Variants in SHANK2 observed in about 807,000 individuals in gnomAD.
SHANK2 encodes the protein SH3 and multiple ankyrin repeat domains protein 2.
SHANK2 carries 43 observed loss-of-function variants against 133.7 expected under a neutral mutation model. That is an observed-to-expected ratio of 0.32 (90% confidence interval 0.25 to 0.41). The LOEUF (loss-of-function observed/expected upper bound fraction) is 0.41, where lower values mean the gene tolerates loss of function less well. SHANK2 is among the 10% of genes least tolerant of loss of function. The pLI is 1.00. For synonymous variants in SHANK2, 1,017 were observed against 952.8 expected (o/e 1.07, Z -1.24); for missense variants, 1,994 against 2,235.8 (o/e 0.89, Z 2.18).
rs567458337 is a variant in SHANK2, at chr11:70,483,065, G to C, written c.4979+2249C>G. Among the ~76,000 whole-genome samples the C allele has an allele frequency of 9.2e-5, 14 of 152,294 alleles. No individual in the cohort carries two copies. The South Asian group carries it at 2.7e-3, about 29-fold the overall frequency. On this transcript the variant is annotated intron_variant, in intron 25 of 25. Coordinates refer to ENST00000601538, the MANE Select transcript of SHANK2 (RefSeq NM_012309.5). ...TTGGTGCAGGATGCCCTGCTGACCT[G>C]AACAGTGGATTCCTTCCTCCAGCCC...
At chr11:70,615,830 C>A (rs1435457420) in intron 17 of SHANK2, among the ~76,000 whole-genome samples, 1 of 152,122 alleles carries the variant, frequency 6.6e-6, no homozygotes, top group African/African-American at 2.4e-5. Flanking sequence ...CCACCTTGGC[C>A]GGTATTGGCT....
chr11:70,895,616 A>G (rs1555075538), intron 11 of SHANK2: 2 of 152,566 alleles, frequency 1.3e-5, no homozygotes, highest in African/African-American at 4.8e-5. Context: ...AGTGAAGCAG[A>G]GGCAACCAGA....
chr11:71,182,830 T>C (rs1555113965), intron 2 of SHANK2, among the ~76,000 whole-genome samples: 1 of 152,166 alleles, frequency 6.6e-6, no homozygotes, highest in Admixed American at 6.5e-5. Flanking sequence ...CTGTCTAGCA[T>C]AAAATATTTC....
intron 17 of SHANK2, among the ~76,000 whole-genome samples, chr11:70,647,961 C>T (rs1201140803): frequency 2.6e-5 from 4 of 152,224 alleles, no homozygotes; most frequent in Non-Finnish European, 5.9e-5. Context: ...GGTACAAAAA[C>T]GTTTATGTCG....
chr11:71,183,933 C>T (rs1953618650), intron 2 of SHANK2, among the ~76,000 whole-genome samples: 1 of 152,152 alleles, frequency 6.6e-6, no homozygotes, highest in Non-Finnish European at 1.5e-5. Flanking sequence ...GTTTCGTGGC[C>T]TCCACATCCA....
chr11:70,592,504 C>A (rs1591622121), intron 17 of SHANK2, among the ~76,000 whole-genome samples: 1 of 152,170 alleles, frequency 6.6e-6, no homozygotes. Flanking sequence ...CACACCCCCT[C>A]CAGCCACGGC....
At position 70,564,177 on chromosome 11, in the gene SHANK2, C is replaced by T. The variant is rs73522186; in HGVS notation, c.2062-61246G>A. On this transcript the variant is annotated intron_variant, in intron 17 of 25. Transcript: ENST00000601538. ...TGTCTTGTGCTTGGAGTCTATTGAG[C>T]TGCTTGGGTGTGTGAGTTCATTGTT... 3.3e-3 allele frequency among the ~76,000 whole-genome samples: 496 copies of T among 152,108 alleles called. 1 individual carries two copies. The highest frequency in any genetic ancestry group is 0.012 in the African/African-American group (483 of 41,486).
At chr11:70,661,202 T>C (rs1273518438) in intron 16 of SHANK2, among the ~76,000 whole-genome samples, 1 of 152,060 alleles carries the variant, frequency 6.6e-6, no homozygotes, top group Non-Finnish European at 1.5e-5. Flanking sequence ...GCCAGGGCAA[T>C]CCTGGGGATT....
At chr11:70,742,676 C>A (rs1555035014) in intron 14 of SHANK2, among the ~76,000 whole-genome samples, 1 of 152,192 alleles carries the variant, frequency 6.6e-6, no homozygotes, top group East Asian at 1.9e-4. Flanking sequence ...CAGCACTAAT[C>A]TGTTTAGGCT....
intron 2 of SHANK2, among the ~76,000 whole-genome samples, chr11:71,162,612 G>A (rs1290896270): frequency 6.6e-6 from 1 of 152,202 alleles, no homozygotes; most frequent in African/African-American, 2.4e-5. Context: ...ATGGGGAAAT[G>A]TCAATTGCAA....
chr11:70,799,060 C>A (rs549600415), intron 13 of SHANK2, among the ~76,000 whole-genome samples: 1 of 152,180 alleles, frequency 6.6e-6, no homozygotes, highest in Non-Finnish European at 1.5e-5. Flanking sequence ...AATCCACCTG[C>A]CCGGCTCTGT....
intron 8 of SHANK2, among the ~76,000 whole-genome samples, chr11:71,089,115 A>G (rs1766500829): frequency 1.3e-5 from 2 of 152,226 alleles, no homozygotes; most frequent in Non-Finnish European, 2.9e-5. Flanking sequence ...AGTCCCAAGA[A>G]CTGCCCTTTT....
chr11:70,576,903 C>T (rs573043653), intron 17 of SHANK2, among the ~76,000 whole-genome samples: 2 of 152,198 alleles, frequency 1.3e-5, no homozygotes, highest in African/African-American at 4.8e-5. Flanking sequence ...AACAAGGACA[C>T]AGCAGGCAGG....
chr11:71,167,255 T>C (rs1462317299), intron 2 of SHANK2, among the ~76,000 whole-genome samples: 1 of 152,200 alleles, frequency 6.6e-6, no homozygotes, highest in Non-Finnish European at 1.5e-5. Context: ...CTTTCTATTC[T>C]ACAAAACCAC....
intron 11 of SHANK2, among the ~76,000 whole-genome samples, chr11:70,890,549 C>T (rs1949824466): frequency 6.6e-6 from 1 of 151,970 alleles, no homozygotes; most frequent in Non-Finnish European, 1.5e-5. Flanking sequence ...CCTGTAATCC[C>T]AGTACTTTGG....
At chr11:71,153,516 G>A (rs1952842728) in intron 2 of SHANK2, among the ~76,000 whole-genome samples, 2 of 152,160 alleles carry the variant, frequency 1.3e-5, no homozygotes, top group African/African-American at 2.4e-5. Flanking sequence ...CTGATGAAAA[G>A]GTAGACAGAC....
intron 2 of SHANK2, among the ~76,000 whole-genome samples, chr11:71,209,175 C>A (rs78525928): frequency 0.014 from 2,117 of 152,286 alleles, 41 homozygotes; most frequent in African/African-American, 0.049. Context: ...GGCTGAATCA[C>A]GAAGCAGGAG....
In SHANK2 at chr11:70,804,399, G is replaced by A. The variant is rs1948117811; in HGVS notation, c.1663+2603C>T. 6.6e-6 allele frequency among the ~76,000 whole-genome samples: 1 copy of A among 152,194 alleles called. No homozygotes were observed. Among genetic ancestry groups the A allele is most frequent in the South Asian group, 2.1e-4 (1 of 4,828 alleles). On this transcript the variant is annotated intron_variant, in intron 13 of 25. Transcript: ENST00000601538. This position sits in a 1 kb window ranked among gnomAD's most constrained non-coding sequence, Gnocchi z 4.1. ...GGCTCCGTGCCAATTGTGTGCAAATGGCCTGCGCGGCCCACTCGAATCTCT... is the reference window on the plus strand; with the variant it reads ...GGCTCCGTGCCAATTGTGTGCAAATAGCCTGCGCGGCCCACTCGAATCTCT...
At chr11:70,892,693 C>T (rs757652675) in intron 11 of SHANK2, among the ~76,000 whole-genome samples, 2 of 152,116 alleles carry the variant, frequency 1.3e-5, no homozygotes, top group Non-Finnish European at 2.9e-5. Context: ...GCCTGCATCT[C>T]CTTGGCACTC....
Sources: allele counts gnomAD v4.1 joint callset (sites outside exome capture counted in the v4.1 genomes callset), GRCh38; gene constraint gnomAD v4.1.1; non-coding constraint Gnocchi (gnomAD v3.1); transcripts MANE v1.5; gene names NCBI Gene and HGNC (gene_info 2026-07-23, HGNC 2026-07-21).